The following NPIPA5 variants were observed in gnomAD, a reference collection of about 807,000 sequenced individuals.
NPIPA5 encodes nuclear pore complex-interacting protein family member A5.
In NPIPA5, 6 loss-of-function variants were observed where a neutral mutation model predicts 21.4. The observed-to-expected ratio is 0.28, with a 90% CI of 0.15 to 0.55. The LOEUF is 0.55. Ranked by LOEUF, NPIPA5 falls within the 20% of genes least tolerant of loss-of-function variation. The pLI, the probability that NPIPA5 is intolerant of heterozygous loss-of-function variation, is 0.93. For missense variants in NPIPA5, 99 were observed against 318.2 expected, an observed-to-expected ratio of 0.31 and a Z score of 5.24; for synonymous variants, 33 against 115.3, an observed-to-expected ratio of 0.29 and a Z score of 4.57.
upstream of NPIPA5, among the ~76,000 whole-genome samples, chr16:15,379,960 T>A (rs554641018): frequency 8.4e-4 from 127 of 150,468 alleles, no homozygotes; most frequent in Middle Eastern, 3.4e-3. Context: ...AAATAAAAAA[T>A]ATATATATAT....
rs769416865 is a variant in NPIPA5, at chr16:15,363,858, G to A, written c.854C>T (p.Pro285Leu). 7.1e-5 allele frequency: 114 copies of A among 1,594,578 alleles called. 2 individuals carry two copies. The South Asian group carries it at 1.1e-3, about 16-fold the overall frequency. The change falls in exon 8 of 8, where the codon CCT (proline) becomes CTT (leucine). Residue 285 changes from proline (P) to leucine (L), a missense_variant. Transcript: ENST00000360151. Reference protein sequence around the residue: ...PPSADDNLKTPPECLLTPLPP... With the variant: ...PPSADDNLKTLPECLLTPLPP... ...AAGGGGAGTGAGCAGACACTCGGGA[G>A]GTGTCTTGAGATTATCATCCGCTGA...
At position 15,366,763 on chromosome 16, in the gene NPIPA5, A is replaced by G; in HGVS notation, c.438-3T>C. Reference sequence around the variant, plus strand: ...CTTTCATGCTTAGTTTCCTCAGACTAGAAGGGAGAGAAATGCACACACATG... The same window carrying G: ...CTTTCATGCTTAGTTTCCTCAGACTGGAAGGGAGAGAAATGCACACACATG... On this transcript the variant is annotated splice_region_variant and splice_polypyrimidine_tract_variant and intron_variant, in intron 4 of 7. Coordinates refer to ENST00000360151, the MANE Select transcript of NPIPA5 (RefSeq NM_001277325.2). The G allele has an allele frequency of 2.0e-6, 3 of 1,487,026 alleles. No homozygotes were observed. The highest frequency in any genetic ancestry group is 2.7e-6 in the Non-Finnish European group (3 of 1,125,556). 92.1% of individuals were successfully genotyped at this position (1,487,026 alleles called of 1,614,324 possible).
chr16:15,376,579 T>C (rs1301366467), intron 1 of NPIPA5, among the ~76,000 whole-genome samples: 1 of 149,894 alleles, frequency 6.7e-6, no homozygotes, highest in African/African-American at 2.5e-5. Flanking sequence ...GGGGTTGGTT[T>C]ATGCTGGTGT....
intron 1 of NPIPA5, among the ~76,000 whole-genome samples, chr16:15,376,727 G>C (rs1384566730): frequency 6.6e-6 from 1 of 152,104 alleles, no homozygotes. Context: ...CTATCCTGGC[G>C]AACATGGTGA....
chr16:15,367,305 C>T (rs1347045034), intron 4 of NPIPA5, among the ~76,000 whole-genome samples: 5 of 152,094 alleles, frequency 3.3e-5, no homozygotes, highest in Admixed American at 6.6e-5. Context: ...CTGCACTTTG[C>T]CATGATTCAG....
upstream of NPIPA5, chr16:15,381,608 A>T (rs2050434020): frequency 6.6e-6 from 1 of 151,140 alleles, no homozygotes; most frequent in African/African-American, 2.4e-5. Context: ...TGCCTCCACC[A>T]CTTATCAGCT....
At chr16:15,371,063 T>A (rs900208355) in intron 2 of NPIPA5, among the ~76,000 whole-genome samples, 4 of 119,404 alleles carry the variant, frequency 3.3e-5, no homozygotes, top group African/African-American at 2.8e-5. Context: ...AAAAAAAAAA[T>A]GACATGAATA....
chr16:15,379,307 C>G (rs527429611), upstream of NPIPA5, among the ~76,000 whole-genome samples: 3 of 152,324 alleles, frequency 2.0e-5, no homozygotes, highest in East Asian at 5.8e-4. Context: ...TGGTGGCTCA[C>G]ACCTGTAATC....
upstream of NPIPA5, among the ~76,000 whole-genome samples, chr16:15,379,342 G>C (rs948543527): frequency 7.9e-5 from 12 of 152,024 alleles, no homozygotes; most frequent in Admixed American, 4.6e-4. Context: ...GGCCGAGGTG[G>C]GCGGATCACA....
At chr16:15,365,898 T>G (rs1475944228) in intron 5 of NPIPA5, among the ~76,000 whole-genome samples, 1 of 40,756 alleles carries the variant, frequency 2.5e-5, no homozygotes, top group African/African-American at 6.7e-5. Context: ...TGAAACCCCG[T>G]CTCTACTAAA....
At chr16:15,369,107 G>T (rs936975343) in intron 4 of NPIPA5, among the ~76,000 whole-genome samples, 2 of 147,630 alleles carry the variant, frequency 1.4e-5, no homozygotes, top group Admixed American at 1.4e-4. Context: ...AGCCAAGATT[G>T]CACCATAGCA....
upstream of NPIPA5, chr16:15,380,792 T>C (rs2050418977): frequency 1.9e-6 from 1 of 531,416 alleles, no homozygotes; most frequent in Non-Finnish European, 3.3e-6. Context: ...GCCACTTGTA[T>C]GGAAAGAAAA....
At chr16:15,367,233 G>A (rs1052563422) in intron 4 of NPIPA5, among the ~76,000 whole-genome samples, 2 of 152,136 alleles carry the variant, frequency 1.3e-5, no homozygotes, top group African/African-American at 4.8e-5. Context: ...TGCCGGAACT[G>A]AGACCATCAG....
At chr16:15,376,931 GC>G (rs1210898846) in intron 1 of NPIPA5, among the ~76,000 whole-genome samples, 2 of 151,962 alleles carry the variant, frequency 1.3e-5, no homozygotes, top group Non-Finnish European at 2.9e-5. Flanking sequence ...CCGAGATCTT[GC>G]CACTGCACTC....
rs1434455105 is a variant in NPIPA5, at chr16:15,371,528, A to G, written c.193-1409T>C. Reference sequence around the variant, plus strand: ...TCATTGAAATGACTTTTTTCTTGAGACGGAGTGTCAGTCAACCATGCTGAA... The same window carrying G: ...TCATTGAAATGACTTTTTTCTTGAGGCGGAGTGTCAGTCAACCATGCTGAA... On this transcript the variant is annotated intron_variant, in intron 2 of 7. Coordinates refer to ENST00000360151, the MANE Select transcript of NPIPA5 (RefSeq NM_001277325.2). Among the ~76,000 whole-genome samples the G allele has an allele frequency of 1.2e-4, 17 of 147,134 alleles. 1 individual carries two copies. The highest frequency in any genetic ancestry group is 7.2e-4 in the Admixed American group (10 of 13,952).
intron 1 of NPIPA5, among the ~76,000 whole-genome samples, chr16:15,374,195 A>C (rs1268564577): frequency 2.1e-5 from 3 of 146,190 alleles, no homozygotes; most frequent in East Asian, 2.0e-4. Flanking sequence ...TAAAAAAAAA[A>C]TTTTTTTTTT....
chr16:15,379,625 A>G (rs950445759), upstream of NPIPA5, among the ~76,000 whole-genome samples: 41 of 151,896 alleles, frequency 2.7e-4, no homozygotes, highest in Middle Eastern at 6.8e-3. Flanking sequence ...ATGGAATTCA[A>G]TTCTTTTTAT....
At chr16:15,370,779 G>T (rs1485360628) in intron 2 of NPIPA5, among the ~76,000 whole-genome samples, 1 of 147,738 alleles carries the variant, frequency 6.8e-6, no homozygotes, top group Non-Finnish European at 1.5e-5. Flanking sequence ...GGCCAGGTGC[G>T]GTAGCTCACG....
intron 1 of NPIPA5, among the ~76,000 whole-genome samples, chr16:15,377,772 C>T (rs1174017992): frequency 6.7e-6 from 1 of 148,998 alleles, no homozygotes; most frequent in African/African-American, 2.5e-5. Flanking sequence ...ATTAAGTTCT[C>T]AAGCGCTGGT....
Sources: allele counts gnomAD v4.1 joint callset (sites outside exome capture counted in the v4.1 genomes callset), GRCh38; gene constraint gnomAD v4.1.1; transcripts MANE v1.5; gene names NCBI Gene and HGNC (gene_info 2026-07-23, HGNC 2026-07-21).